NRXN1: variants seen among roughly 807,000 people sequenced by gnomAD.
NRXN1 encodes neurexin 1.
Under a neutral mutation model 150.9 loss-of-function variants are expected in NRXN1, and 39 were observed. That is an observed-to-expected ratio of 0.26 (90% CI 0.20 to 0.34). The LOEUF is 0.34. NRXN1 is among the 10% of genes least tolerant of loss of function. The pLI is 1.00. For missense variants in NRXN1, 1,815 were observed against 1,949.9 expected (o/e 0.93, Z 1.30); for synonymous variants, 924 against 757.0 (o/e 1.22, Z -3.62).
At chr2:50,221,864 C>T (rs2063917689) in intron 18 of NRXN1, among the ~76,000 whole-genome samples, 1 of 151,968 alleles carries the variant, frequency 6.6e-6, no homozygotes, top group African/African-American at 2.4e-5. Context: ...CTATCAACAG[C>T]TAGGACATGT....
At chr2:50,220,001 T>A (rs28697258) in intron 18 of NRXN1, among the ~76,000 whole-genome samples, 16 of 37,892 alleles carry the variant, frequency 4.2e-4, no homozygotes, top group African/African-American at 2.3e-3. Context: ...ATAATATATA[T>A]TATATAATAT....
chr2:50,771,056 T>C (rs1702954919), intron 5 of NRXN1, among the ~76,000 whole-genome samples: 1 of 152,064 alleles, frequency 6.6e-6, no homozygotes, highest in Admixed American at 6.6e-5. Context: ...AACCAGGCCA[T>C]AGTATCATCA....
intron 5 of NRXN1, among the ~76,000 whole-genome samples, chr2:50,742,105 C>A (rs1699496628): frequency 6.6e-6 from 1 of 152,072 alleles, no homozygotes; most frequent in African/African-American, 2.4e-5. Context: ...CTTTAAACCA[C>A]AGGTAATTTT....
intron 10 of NRXN1, among the ~76,000 whole-genome samples, chr2:50,537,179 G>T (rs2093280614): frequency 6.6e-6 from 1 of 152,012 alleles, no homozygotes; most frequent in African/African-American, 2.4e-5. Context: ...AAACTGAACT[G>T]AACTATTTCA....
intron 17 of NRXN1, among the ~76,000 whole-genome samples, chr2:50,415,336 T>C (rs2083459667): frequency 6.6e-6 from 1 of 152,090 alleles, no homozygotes; most frequent in Non-Finnish European, 1.5e-5. Flanking sequence ...ACACCAGAGG[T>C]TGCAGTGTAA....
intron 5 of NRXN1, chr2:50,841,112 C>T (rs1672803500): frequency 6.6e-6 from 1 of 152,524 alleles, no homozygotes; most frequent in South Asian, 2.1e-4. Flanking sequence ...TCAGCACATC[C>T]AGGAAAATGA....
chr2:51,001,423 C>T (rs970604438), intron 2 of NRXN1, among the ~76,000 whole-genome samples: 2 of 151,648 alleles, frequency 1.3e-5, no homozygotes, highest in Non-Finnish European at 2.9e-5. Flanking sequence ...CTTTTATCTG[C>T]AAAGTTAATT....
Position 49,992,009 on chromosome 2 carries a change from G to C in NRXN1, c.4129-48218C>G, listed in dbSNP as rs552412233. Among the ~76,000 whole-genome samples, 390 of 152,210 alleles carry C rather than the reference G, an allele frequency of 2.6e-3. 2 individuals carry two copies. The highest frequency in any genetic ancestry group is 6.8e-3 in the Middle Eastern group (2 of 294). The stretch of plus-strand genomic sequence containing the variant: ...AGCAAAGATAGTCTTTTCAACAAAC[G>C]GTGCTAGAACAACTAGACATCCATA... On this transcript the variant is annotated intron_variant, in intron 21 of 22. Transcript: ENST00000401669.
At chr2:50,682,354 G>T (rs974250321) in intron 5 of NRXN1, among the ~76,000 whole-genome samples, 1 of 152,088 alleles carries the variant, frequency 6.6e-6, no homozygotes, top group Non-Finnish European at 1.5e-5. Flanking sequence ...AATTGGTCTT[G>T]TTTGAGTTTA....
At position 50,472,411 on chromosome 2, in the gene NRXN1, T is replaced by C. The variant is rs1476689990; in HGVS notation, c.3131A>G (p.His1044Arg). 1.2e-6 allele frequency: 2 copies of C among 1,612,348 alleles called. No individual in the cohort carries two copies. Among genetic ancestry groups the C allele is most frequent in the East Asian group, 4.5e-5 (2 of 44,842 alleles). Reference sequence around the variant, plus strand: ...GCAGCCTTGAAAGCCTTCTTTGGCATGTACAAGTTTTGGTAAGGATTTGTA... The same window carrying C: ...GCAGCCTTGAAAGCCTTCTTTGGCACGTACAAGTTTTGGTAAGGATTTGTA... ...ETYKSLPKLV[H>R]AKEGFQGCLA... The change falls in exon 16 of 23, where the codon CAT becomes CGT. Residue 1044 changes from histidine (H) to arginine (R), a missense_variant. By Grantham distance (29) the His-to-Arg change is conservative. This residue lies in a region of NRXN1 where 339 missense variants were observed against 440.3 expected (regional missense o/e 0.77). Transcript: ENST00000401669.
chr2:50,128,534 G>T (rs182064883), intron 18 of NRXN1, among the ~76,000 whole-genome samples: 297 of 152,240 alleles, frequency 2.0e-3, no homozygotes, highest in African/African-American at 6.8e-3. Context: ...CCAAGAAAAT[G>T]TGAATGATAT....
chr2:50,640,829 C>T (rs1278320548), intron 5 of NRXN1, among the ~76,000 whole-genome samples: 1 of 152,040 alleles, frequency 6.6e-6, no homozygotes, highest in East Asian at 1.9e-4. Flanking sequence ...ACTCATTGTA[C>T]AAATATATAT....
chr2:50,168,913 C>A (rs1322797953), intron 18 of NRXN1, among the ~76,000 whole-genome samples: 1 of 152,180 alleles, frequency 6.6e-6, no homozygotes, highest in Non-Finnish European at 1.5e-5. Context: ...CCAACACCAA[C>A]AGTTCACTCG....
chr2:50,254,892 G>C (rs572317060), intron 17 of NRXN1, among the ~76,000 whole-genome samples: 3 of 151,906 alleles, frequency 2.0e-5, no homozygotes, highest in African/African-American at 7.2e-5. Flanking sequence ...CTGCAGGCTC[G>C]ACCTCCTGAA....
intron 19 of NRXN1, among the ~76,000 whole-genome samples, chr2:50,071,798 G>C (rs1696332173): frequency 6.6e-6 from 1 of 152,214 alleles, no homozygotes; most frequent in African/African-American, 2.4e-5. Context: ...TTTGCTGCCA[G>C]TTGCTAAAAT....
chr2:50,580,163 C>A (rs17537828), intron 8 of NRXN1, among the ~76,000 whole-genome samples: 72,895 of 151,934 alleles, frequency 0.48, 19,266 homozygotes, highest in African/African-American at 0.71. Flanking sequence ...AGAAAATGCA[C>A]ACCCATATTT....
intron 1 of NRXN1, among the ~76,000 whole-genome samples, chr2:51,030,382 C>G (rs974097319): frequency 6.6e-6 from 1 of 151,890 alleles, no homozygotes; most frequent in Non-Finnish European, 1.5e-5. Context: ...TTTATGGCAC[C>G]GCATTGTGCT....
intron 17 of NRXN1, among the ~76,000 whole-genome samples, chr2:50,267,423 A>C (rs1227647618): frequency 2.0e-5 from 3 of 152,226 alleles, no homozygotes; most frequent in East Asian, 3.8e-4. Flanking sequence ...AGTAAGAAAG[A>C]ACTATTCATT....
chr2:50,850,726 C>A (rs762827663), intron 5 of NRXN1, among the ~76,000 whole-genome samples: 1 of 144,398 alleles, frequency 6.9e-6, no homozygotes, highest in Non-Finnish European at 1.5e-5. Context: ...AAATCAATAT[C>A]AAAGATTAAA....
Sources: gnomAD v4.1 joint callset for allele counts (sites outside exome capture counted in the v4.1 genomes callset) on GRCh38, gnomAD v4.1.1 for gene constraint, gnomAD v4.1.1 regional missense constraint, MANE v1.5 for transcripts, NCBI Gene and HGNC (gene_info 2026-07-23, HGNC 2026-07-21) for gene names.